The following PCDH15 variants were observed in gnomAD, a reference collection of about 807,000 sequenced individuals.
PCDH15 encodes protocadherin-15.
In PCDH15, 129 loss-of-function variants were observed where a neutral mutation model predicts 178.5. The observed-to-expected ratio is 0.72, with a 90% CI of 0.63 to 0.84. The LOEUF (loss-of-function observed/expected upper bound fraction) is 0.84. PCDH15 is among the 40% of genes least tolerant of loss of function. PCDH15 has a pLI of 0.00. For missense variants in PCDH15, 2,230 were observed against 2,099.9 expected (o/e 1.06, Z -1.21); for synonymous variants, 800 against 732.0 (o/e 1.09, Z -1.50).
In PCDH15 at chr10:54,360,454, G is replaced by T. The variant is rs577781254; in HGVS notation, c.474+8666C>A. 2.0e-5 allele frequency among the ~76,000 whole-genome samples: 3 copies of T among 152,122 alleles called. No homozygotes were observed. In the South Asian group the frequency reaches 6.2e-4, roughly 32 times the overall value. On this transcript the variant is annotated intron_variant, in intron 5 of 37. Transcript: ENST00000644397. ...TGGCTTTCTGTGTGGTGAGCGGCAG[G>T]ACCTAGACCAAAGCCCTGGCATTTT...
chr10:53,862,241 A>G (rs751772325), intron 27 of PCDH15, among the ~76,000 whole-genome samples: 16 of 151,910 alleles, frequency 1.1e-4, no homozygotes, highest in Non-Finnish European at 1.9e-4. Flanking sequence ...AATAGAGACG[A>G]GGTTTCACCA....
At chr10:53,966,198 C>A (rs944294286) in intron 21 of PCDH15, among the ~76,000 whole-genome samples, 1 of 152,132 alleles carries the variant, frequency 6.6e-6, no homozygotes, top group Admixed American at 6.5e-5. Context: ...AGATATACCA[C>A]ACCATCATGA....
intron 2 of PCDH15, among the ~76,000 whole-genome samples, chr10:55,032,501 C>T (rs1180059904): frequency 6.6e-6 from 1 of 152,290 alleles, no homozygotes; most frequent in Middle Eastern, 3.4e-3. Flanking sequence ...TTATACCCTG[C>T]TTCTCAAGGT....
At chr10:55,409,647 A>C (rs937117696) in intron 2 of PCDH15, among the ~76,000 whole-genome samples, 2 of 152,162 alleles carry the variant, frequency 1.3e-5, no homozygotes, top group African/African-American at 4.8e-5. Context: ...CCATAAGTAG[A>C]TGGTTAAAAT....
intron 1 of PCDH15, among the ~76,000 whole-genome samples, chr10:55,291,722 G>A (rs1045105322): frequency 2.6e-5 from 4 of 152,126 alleles, no homozygotes; most frequent in Non-Finnish European, 4.4e-5. Context: ...TTACACTGCT[G>A]GTAAAGACAT....
intron 6 of PCDH15, among the ~76,000 whole-genome samples, chr10:54,338,300 C>T (rs1053331283): frequency 1.3e-4 from 19 of 150,522 alleles, no homozygotes; most frequent in African/African-American, 4.4e-4. Flanking sequence ...ATATAATGTA[C>T]CCTGAAAAGT....
At chr10:54,899,275 T>C (rs973763338) in intron 2 of PCDH15, among the ~76,000 whole-genome samples, 15 of 152,158 alleles carry the variant, frequency 9.9e-5, no homozygotes, top group African/African-American at 3.6e-4. Context: ...TTTAGTTCTT[T>C]AATTTTTATC....
chr10:54,593,943 G>A (rs1006996192), intron 2 of PCDH15, among the ~76,000 whole-genome samples: 3 of 151,766 alleles, frequency 2.0e-5, no homozygotes, highest in African/African-American at 4.8e-5. Context: ...TCAGGAAGAC[G>A]GGTGTACCCC....
intron 1 of PCDH15, among the ~76,000 whole-genome samples, chr10:54,736,356 C>A (rs1429072469): frequency 6.6e-6 from 1 of 151,964 alleles, no homozygotes; most frequent in Non-Finnish European, 1.5e-5. Flanking sequence ...AAAAAAATAG[C>A]TTTTGGAAGA....
chr10:54,861,917 C>T (rs926237361), intron 3 of PCDH15, among the ~76,000 whole-genome samples: 1 of 152,126 alleles, frequency 6.6e-6, no homozygotes, highest in Admixed American at 6.6e-5. Context: ...CAGGGAAGTG[C>T]ATAGAGCTGC....
At chr10:54,792,470 GTA>G (rs748658608) in intron 1 of PCDH15, among the ~76,000 whole-genome samples, 1 of 151,952 alleles carries the variant, frequency 6.6e-6, no homozygotes, top group African/African-American at 2.4e-5. Flanking sequence ...GGGTGTGCCT[GTA>G]AAGGTGTTTC....
At chr10:54,239,414 A>AATATAT (rs67769627) in intron 8 of PCDH15, among the ~76,000 whole-genome samples, 8 of 138,208 alleles carry the variant, frequency 5.8e-5, no homozygotes, top group African/African-American at 1.8e-4. Context: ...CCTGTGATTA[A>AATATAT]ATATATATAT....
At chr10:54,332,343 TA>T (rs1939947236) in intron 6 of PCDH15, among the ~76,000 whole-genome samples, 1 of 103,986 alleles carries the variant, frequency 9.6e-6, no homozygotes, top group African/African-American at 3.8e-5. Context: ...TATATTATTA[TA>T]TATAATATAA....
At chr10:55,519,957 C>T (rs1433344431) in intron 2 of PCDH15, among the ~76,000 whole-genome samples, 5 of 149,416 alleles carry the variant, frequency 3.3e-5, no homozygotes, top group South Asian at 4.2e-4. Context: ...AAGTCAGTAA[C>T]GCGGGATAAA....
At chr10:54,680,950 A>T (rs1207162416) in intron 1 of PCDH15, among the ~76,000 whole-genome samples, 1 of 152,200 alleles carries the variant, frequency 6.6e-6, no homozygotes, top group African/African-American at 2.4e-5. Context: ...AAGCCCTCTG[A>T]AAATGACACT....
intron 2 of PCDH15, among the ~76,000 whole-genome samples, chr10:54,945,351 T>TGATAGATATATA (rs1554817133): frequency 6.5e-5 from 9 of 138,014 alleles, no homozygotes; most frequent in Non-Finnish European, 1.1e-4. Context: ...GATAGATAGA[T>TGATAGATATATA]GATAGATAGA....
intron 2 of PCDH15, among the ~76,000 whole-genome samples, chr10:54,593,281 T>A (rs1465474104): frequency 1.3e-5 from 2 of 152,162 alleles, no homozygotes; most frequent in East Asian, 3.9e-4. Context: ...CCTGATGGCT[T>A]TTTGCTATTA....
intron 2 of PCDH15, among the ~76,000 whole-genome samples, chr10:55,416,585 G>T (rs191540668): frequency 6.6e-6 from 1 of 151,778 alleles, no homozygotes; most frequent in East Asian, 1.9e-4. Flanking sequence ...TGAGGAAAAA[G>T]AAAAGCATAT....
chr10:55,492,895 T>A (rs1417296937), intron 2 of PCDH15, among the ~76,000 whole-genome samples: 4 of 151,566 alleles, frequency 2.6e-5, no homozygotes, highest in Non-Finnish European at 5.9e-5. Flanking sequence ...CAAATGAAAA[T>A]TTTGGAGTTA....
Sources: allele counts gnomAD v4.1 joint callset (sites outside exome capture counted in the v4.1 genomes callset), GRCh38; gene constraint gnomAD v4.1.1; transcripts MANE v1.5; gene names NCBI Gene and HGNC (gene_info 2026-07-23, HGNC 2026-07-21).